SLC13A5: variants seen among roughly 807,000 people sequenced by gnomAD.
SLC13A5 encodes the protein solute carrier family 13 member 5, also known as Na(+)/citrate cotransporter.
A neutral mutation model predicts 56.5 loss-of-function variants in SLC13A5; 25 were observed. That is an observed-to-expected ratio of 0.44 (90% confidence interval 0.32 to 0.62). The LOEUF (loss-of-function observed/expected upper bound fraction) is 0.62, where lower values mean the gene tolerates loss of function less well. SLC13A5 is among the 20% of genes least tolerant of loss of function. The pLI is 0.04. For synonymous variants in SLC13A5, 307 were observed against 301.5 expected (o/e 1.02, Z -0.19); for missense variants, 649 against 737.8 (o/e 0.88, Z 1.39).
chr17:6,706,610 G>A (rs1262006098), intron 3 of SLC13A5, 32 bp downstream of exon 3: 2 of 1,608,282 alleles, frequency 1.2e-6, no homozygotes, highest in Non-Finnish European at 1.7e-6. Context: ...CTCATGCAGA[G>A]CCACGTGGCA....
rs1057521689 is a variant in SLC13A5, at chr17:6,703,966, C to T, written c.459G>A (p.Glu153=). The change falls in exon 4 of 12, where the codon GAG becomes GAA. Residue 153 remains glutamate, a synonymous_variant. Coordinates refer to ENST00000433363, the MANE Select transcript of SLC13A5 (RefSeq NM_177550.5). ...ATTAMMVPIV[E]AILQQMEATS... ...TGGCTTCCATCTGCTGCAATATGGC[C>T]TCCACGATGGGCACCATCATGGCCG... The T allele has an allele frequency of 1.2e-6, 2 of 1,612,566 alleles. No individual in the cohort carries two copies. Among genetic ancestry groups the T allele is most frequent in the Admixed American group, 1.7e-5 (1 of 59,974 alleles).
At chr17:6,691,666 G>A (rs1973408638) in intron 9 of SLC13A5, among the ~76,000 whole-genome samples, 1 of 152,188 alleles carries the variant, frequency 6.6e-6, no homozygotes, top group Non-Finnish European at 1.5e-5. Context: ...CAAAGGAGGA[G>A]AGAATGTCCA....
At chr17:6,704,326 C>A in intron 3 of SLC13A5, 1 of 601,010 alleles carries the variant, frequency 1.7e-6, no homozygotes, top group Non-Finnish European at 3.1e-6. Context: ...TACCAAGAGG[C>A]CTCAGATCCA....
In SLC13A5 at chr17:6,711,831, T is replaced by C. The variant is rs1974048039; in HGVS notation, c.102+1401A>G. ...GAGCTGAAATCGCAGCTCTCCTGCCTGGCTACTTCCCCTGGACAATAACAA... is the reference window on the plus strand; with the variant it reads ...GAGCTGAAATCGCAGCTCTCCTGCCCGGCTACTTCCCCTGGACAATAACAA... On this transcript the variant is annotated intron_variant, in intron 1 of 11. Transcript: ENST00000433363. The surrounding 1 kb of genome is among the most constrained non-coding windows in gnomAD (Gnocchi z 4.0). Among the ~76,000 whole-genome samples, 1 of 152,120 alleles carries C rather than the reference T, an allele frequency of 6.6e-6. No individual in the cohort carries two copies. Among genetic ancestry groups the C allele is most frequent in the African/African-American group, 2.4e-5 (1 of 41,426 alleles).
In SLC13A5 at chr17:6,690,906, A is replaced by G; in HGVS notation, c.1310T>C (p.Met437Thr). 1 of 1,613,528 alleles carries G rather than the reference A, an allele frequency of 6.2e-7. No homozygotes were observed. The highest frequency in any genetic ancestry group is 8.5e-7 in the Non-Finnish European group (1 of 1,179,532). ...CGGGGGCACTGCGTGCAAGGGCTCCATCTGCTTCCCCATCCACACGGACAG... is the reference window on the plus strand; with the variant it reads ...CGGGGGCACTGCGTGCAAGGGCTCCGTCTGCTTCCCCATCCACACGGACAG... ...SGLSVWMGKQ[M>T]EPLHAVPPAA... is the part of the protein sequence containing the mutation. The change falls in exon 10 of 12, where the codon ATG becomes ACG. Residue 437 changes from methionine (M) to threonine (T), a missense_variant. Coordinates refer to ENST00000433363, the MANE Select transcript of SLC13A5 (RefSeq NM_177550.5).
rs949663140 is a variant in SLC13A5, at chr17:6,687,332, T to C, written c.1575+197A>G. Reference sequence around the variant, plus strand: ...ATAACCCACCTCAGAGAAAGAACAGTGTGTGAGGCTTGAGATCATCTCAGA... The same window carrying C: ...ATAACCCACCTCAGAGAAAGAACAGCGTGTGAGGCTTGAGATCATCTCAGA... On this transcript the variant is annotated intron_variant, in intron 11 of 11. Transcript: ENST00000433363. The surrounding 1 kb of genome is among the most constrained non-coding windows in gnomAD (Gnocchi z 5.0). 2 of 696,674 alleles carry C rather than the reference T, an allele frequency of 2.9e-6. No individual in the cohort carries two copies. The highest frequency in any genetic ancestry group is 4.6e-6 in the Non-Finnish European group (2 of 437,978). 43.2% of individuals were successfully genotyped at this position (696,674 alleles called of 1,614,324 possible).
rs2151498276 is a variant in SLC13A5, at chr17:6,706,757, C to T, written c.253G>A (p.Asp85Asn). ...SRQVCVQYMK[D>N]TNMLFLGGLI... ...CCGCCCAGGAACAGCATGTTGGTGT[C>T]CTTCATGTACTGGACACACACCTGG... Residue 85 changes from aspartate (D) to asparagine (N), a missense_variant, in exon 3 of 12, where the codon GAC becomes AAC. Asp to Asn is a conservative substitution (Grantham distance 23). Coordinates refer to ENST00000433363, the MANE Select transcript of SLC13A5 (RefSeq NM_177550.5). 1.2e-6 allele frequency: 2 copies of T among 1,614,090 alleles called. No individual in the cohort carries two copies. Among genetic ancestry groups the T allele is most frequent in the Non-Finnish European group, 1.7e-6 (2 of 1,180,010 alleles).
chr17:6,693,178 AACACACACACACACACACACACAC>A lies in SLC13A5; in HGVS notation c.1157-40_1157-17del, dbSNP rs200900896. 4.2e-5 allele frequency: 29 copies of A among 697,882 alleles called. No individual in the cohort carries two copies. The highest frequency in any genetic ancestry group is 1.0e-4 in the African/African-American group (5 of 48,892). 43.2% of individuals were successfully genotyped at this position (697,882 alleles called of 1,614,324 possible). ...GTTTTCCTTTCTGGGAAGAAAAAGAAACACACACACACACACACACACACACACACACACACACACACACACACA... is the reference window on the plus strand; with the variant it reads ...GTTTTCCTTTCTGGGAAGAAAAAGAAACACACACACACACACACACACACA... On this transcript the variant is annotated splice_polypyrimidine_tract_variant and intron_variant, in intron 8 of 11. Transcript: ENST00000433363.
At chr17:6,710,337 C>T (rs1170580025) in intron 1 of SLC13A5, among the ~76,000 whole-genome samples, 1 of 152,246 alleles carries the variant, frequency 6.6e-6, no homozygotes, top group Non-Finnish European at 1.5e-5. Context: ...ATTACTCCTC[C>T]TGCTCCCAAT....
chr17:6,702,853 A>G (rs1400419943), intron 5 of SLC13A5, 117 bp downstream of exon 5: 1 of 1,300,532 alleles, frequency 7.7e-7, no homozygotes, highest in East Asian at 2.4e-5. Context: ...CTCCCAGGCC[A>G]GGTCTGGCTG....
Position 6,692,123 on chromosome 17 carries a change from A to G in SLC13A5, c.1275+921T>C, listed in dbSNP as rs866864400. ...AGGAATGTTGGATGGATGGATGGAT[A>G]GATGGATGGATGGATGGATGGATGG... On this transcript the variant is annotated intron_variant, in intron 9 of 11. Coordinates refer to ENST00000433363, the MANE Select transcript of SLC13A5 (RefSeq NM_177550.5). The surrounding 1 kb of genome is among the most constrained non-coding windows in gnomAD (Gnocchi z 5.5). Among the ~76,000 whole-genome samples, 20 of 144,056 alleles carry G rather than the reference A, an allele frequency of 1.4e-4. No individual in the cohort carries two copies. The highest frequency in any genetic ancestry group is 6.2e-4 in the Admixed American group (9 of 14,588). 94.5% of individuals were successfully genotyped at this position (144,056 alleles called of 152,430 possible). A position where few individuals can be genotyped will look rare whatever the true frequency, so the allele number is the denominator to read the frequency against.
intron 6 of SLC13A5, among the ~76,000 whole-genome samples, chr17:6,697,000 C>G (rs1973579950): frequency 6.6e-6 from 1 of 152,024 alleles, no homozygotes; most frequent in South Asian, 2.1e-4. Context: ...CTGGGGTGCT[C>G]AGGGGTCAGA....
intron 10 of SLC13A5, chr17:6,689,227 T>C (rs1396899465): frequency 2.0e-5 from 3 of 152,206 alleles, no homozygotes; most frequent in Non-Finnish European, 4.4e-5. Context: ...CCACGCCCCC[T>C]GGGAACCACT....
rs188618421 is a variant in SLC13A5, at chr17:6,709,384, C to T, written c.103-2228G>A. On this transcript the variant is annotated intron_variant, in intron 1 of 11. Coordinates refer to ENST00000433363, the MANE Select transcript of SLC13A5 (RefSeq NM_177550.5). ...TCCCAGGTTCAAGCGATTCTCCTGC[C>T]TCAGTCTCCTGAGTAGCTGGGACTA... Among the ~76,000 whole-genome samples, 15 of 152,234 alleles carry T rather than the reference C, an allele frequency of 9.9e-5. No individual in the cohort carries two copies. The East Asian group carries it at 2.5e-3, about 25-fold the overall frequency.
At position 6,711,893 on chromosome 17, in the gene SLC13A5, C is replaced by T. The variant is rs1974050157; in HGVS notation, c.102+1339G>A. ...TTGCTACAGAGGAAGTGTGGCTGCC[C>T]ACAGTTGGTGTGGCAACTGCACAGC... On this transcript the variant is annotated intron_variant, in intron 1 of 11. Coordinates refer to ENST00000433363, the MANE Select transcript of SLC13A5 (RefSeq NM_177550.5). The surrounding 1 kb of genome is among the most constrained non-coding windows in gnomAD (Gnocchi z 4.0). Among the ~76,000 whole-genome samples the T allele has an allele frequency of 6.6e-6, 1 of 152,114 alleles. No individual in the cohort carries two copies. Among genetic ancestry groups the T allele is most frequent in the South Asian group, 2.1e-4 (1 of 4,828 alleles).
intron 4 of SLC13A5, 59 bp downstream of exon 4, chr17:6,703,819 C>T (rs933514780): frequency 5.0e-5 from 74 of 1,477,792 alleles, no homozygotes; most frequent in Non-Finnish European, 6.5e-5. Context: ...AAGCATTTGC[C>T]AGCAGAGGGA....
chr17:6,694,245 A>G (rs1973498882), intron 7 of SLC13A5, 48 bp from the exon 8 acceptor site: 2 of 1,151,822 alleles, frequency 1.7e-6, no homozygotes, highest in African/African-American at 3.1e-5. Flanking sequence ...CAGTCACTCA[A>G]CAAACCCATC....
At chr17:6,686,567 GC>G (rs1263204131) in intron 11 of SLC13A5, 1 of 499,446 alleles carries the variant, frequency 2.0e-6, no homozygotes, top group Non-Finnish European at 3.6e-6. Context: ...ATGCCCGTGC[GC>G]ATTTGGAAAA....
At chr17:6,686,816 G>A (rs1270559415) in intron 11 of SLC13A5, 2 of 159,788 alleles carry the variant, frequency 1.3e-5, no homozygotes, top group Admixed American at 6.0e-5. Flanking sequence ...ACTGGGGATT[G>A]GAGTCAAGTT....
Sources: gnomAD v4.1 joint callset for allele counts (sites outside exome capture counted in the v4.1 genomes callset) on GRCh38, gnomAD v4.1.1 for gene constraint, Gnocchi (gnomAD v3.1) non-coding constraint, MANE v1.5 for transcripts, NCBI Gene and HGNC (gene_info 2026-07-23, HGNC 2026-07-21) for gene names.